The following TMEM132C variants were observed in gnomAD, a reference collection of about 807,000 sequenced individuals.
The protein encoded by TMEM132C is protein phosphatase 1, regulatory subunit 152.
Under a neutral mutation model 61.4 loss-of-function variants are expected in TMEM132C, and 29 were observed. The observed-to-expected ratio is 0.47, with a 90% CI of 0.35 to 0.64. TMEM132C has a LOEUF of 0.64. TMEM132C is among the 30% of genes least tolerant of loss of function. The pLI, the probability that TMEM132C is intolerant of heterozygous loss-of-function variation, is 0.00. For missense variants in TMEM132C, 1,408 were observed against 1,476.9 expected (o/e 0.95, Z 0.76); for synonymous variants, 656 against 633.1 (o/e 1.04, Z -0.54).
chr12:128,406,581 A>G lies in TMEM132C; in HGVS notation c.86-8151A>G, dbSNP rs552748803. Among the ~76,000 whole-genome samples, 52 of 152,298 alleles carry G rather than the reference A, an allele frequency of 3.4e-4. No homozygotes were observed. The Middle Eastern group carries it at 0.014, about 40-fold the overall frequency. ...TAGAAGAGGTGAGGTGGATCTGGGAACCGAATGGAAATTAATTAGGCTGAA... is the reference window on the plus strand; with the variant it reads ...TAGAAGAGGTGAGGTGGATCTGGGAGCCGAATGGAAATTAATTAGGCTGAA... On this transcript the variant is annotated intron_variant, in intron 1 of 8. Coordinates refer to ENST00000435159, the MANE Select transcript of TMEM132C (RefSeq NM_001136103.3).
At position 128,630,174 on chromosome 12, in the gene TMEM132C, C is replaced by A. The variant is rs1954054669; in HGVS notation, c.1305+13839C>A. Among the ~76,000 whole-genome samples the A allele has an allele frequency of 6.6e-6, 1 of 152,056 alleles. No individual in the cohort carries two copies. Among genetic ancestry groups the A allele is most frequent in the Non-Finnish European group, 1.5e-5 (1 of 68,016 alleles). On this transcript the variant is annotated intron_variant, in intron 4 of 8. Transcript: ENST00000435159. The surrounding 1 kb of genome is among the most constrained non-coding windows in gnomAD (Gnocchi z 4.3). Reference sequence around the variant, plus strand: ...CCCCCCTCCAAGGTGTCTCAGGCGGCAAGCTGGCGGCAAGCCCAGGAATCT... The same window carrying A: ...CCCCCCTCCAAGGTGTCTCAGGCGGAAAGCTGGCGGCAAGCCCAGGAATCT...
At chr12:128,319,712 G>A (rs1872267951) in intron 1 of TMEM132C, among the ~76,000 whole-genome samples, 1 of 152,012 alleles carries the variant, frequency 6.6e-6, no homozygotes, top group African/African-American at 2.4e-5. Context: ...TGTAGTCCCA[G>A]CTGCTCGGGA....
Position 128,705,623 on chromosome 12 carries a change from G to A in TMEM132C, c.2655G>A (p.Leu885=). Residue 885 remains leucine (L), a synonymous_variant, in exon 9 of 9, where the codon CTG becomes CTA. Coordinates refer to ENST00000435159, the MANE Select transcript of TMEM132C (RefSeq NM_001136103.3). ...GCAGGCTGGCAGGAGAGGGGCAGCT[G>A]CAGAACATCCCCATTGACTTCACCA... The part of the protein sequence containing the change: ...DGGRLAGEGQ[L]QNIPIDFTNF... 6.4e-7 allele frequency: 1 copy of A among 1,551,016 alleles called. No homozygotes were observed. The highest frequency in any genetic ancestry group is 8.7e-7 in the Non-Finnish European group (1 of 1,146,994).
intron 3 of TMEM132C, among the ~76,000 whole-genome samples, chr12:128,558,278 A>T (rs2136161262): frequency 6.6e-6 from 1 of 152,286 alleles, no homozygotes; most frequent in African/African-American, 2.4e-5. Flanking sequence ...TCCCCACCCA[A>T]ATCTCACCTT....
intron 1 of TMEM132C, among the ~76,000 whole-genome samples, chr12:128,331,079 A>T (rs990893486): frequency 5.3e-5 from 8 of 150,920 alleles, no homozygotes; most frequent in African/African-American, 1.9e-4. Flanking sequence ...TCCCCAGAGG[A>T]TACTCCCTCT....
chr12:128,698,693 C>T (rs1954783039), intron 8 of TMEM132C, among the ~76,000 whole-genome samples: 1 of 152,242 alleles, frequency 6.6e-6, no homozygotes, highest in South Asian at 2.1e-4. Context: ...CTTGGATGCT[C>T]CATCAGAGCA....
chr12:128,384,252 G>C (rs1283767768), intron 1 of TMEM132C, among the ~76,000 whole-genome samples: 2 of 152,130 alleles, frequency 1.3e-5, no homozygotes, highest in Non-Finnish European at 2.9e-5. Context: ...GGGAGGTGGT[G>C]AGCATGGGCC....
At chr12:128,626,824 G>T (rs1202525022) in intron 4 of TMEM132C, among the ~76,000 whole-genome samples, 1 of 152,090 alleles carries the variant, frequency 6.6e-6, no homozygotes, top group Non-Finnish European at 1.5e-5. Context: ...TTTATTCTGA[G>T]AAAAGATTCT....
In TMEM132C at chr12:128,643,599, C is replaced by T. The variant is rs75933936; in HGVS notation, c.1306-25818C>T. On this transcript the variant is annotated intron_variant, in intron 4 of 8. Transcript: ENST00000435159. Reference sequence around the variant, plus strand: ...ACACTGTATTTGCTGGGATAGACAACGGGCAGATTTTTAAAAATCCATTTT... The same window carrying T: ...ACACTGTATTTGCTGGGATAGACAATGGGCAGATTTTTAAAAATCCATTTT... Among the ~76,000 whole-genome samples, 579 of 152,008 alleles carry T rather than the reference C, an allele frequency of 3.8e-3. 7 individuals are homozygous for T. The highest frequency in any genetic ancestry group is 0.013 in the African/African-American group (546 of 41,468).
At chr12:128,299,341 G>T (rs1395687348) in intron 1 of TMEM132C, among the ~76,000 whole-genome samples, 2 of 152,146 alleles carry the variant, frequency 1.3e-5, no homozygotes, top group Non-Finnish European at 2.9e-5. Flanking sequence ...ATCCCTGGGT[G>T]GTTAATGTAT....
chr12:128,517,871 G>T (rs186063629), intron 2 of TMEM132C, among the ~76,000 whole-genome samples: 1 of 152,192 alleles, frequency 6.6e-6, no homozygotes, highest in Non-Finnish European at 1.5e-5. Flanking sequence ...GCAAATCTTC[G>T]TGTAATGCCG....
chr12:128,616,098 G>C, intron 3 of TMEM132C, 54 bp from the exon 4 acceptor site: 1 of 1,529,698 alleles, frequency 6.5e-7, no homozygotes. Context: ...TATGAGGAGA[G>C]AAGGGTCCTT....
At chr12:128,657,053 A>G (rs1593137305) in intron 4 of TMEM132C, among the ~76,000 whole-genome samples, 2 of 152,006 alleles carry the variant, frequency 1.3e-5, no homozygotes, top group Admixed American at 1.3e-4. Context: ...TCCTTTCAGA[A>G]CCCAAAGACC....
At chr12:128,337,745 G>C (rs1405793887) in intron 1 of TMEM132C, among the ~76,000 whole-genome samples, 2 of 152,058 alleles carry the variant, frequency 1.3e-5, no homozygotes, top group African/African-American at 4.8e-5. Context: ...TCTTTTCTTT[G>C]GGAGAGTTCA....
At chr12:128,319,407 T>C (rs563730629) in intron 1 of TMEM132C, among the ~76,000 whole-genome samples, 2 of 151,264 alleles carry the variant, frequency 1.3e-5, no homozygotes, top group Non-Finnish European at 2.9e-5. Flanking sequence ...GTCTGTCTGT[T>C]GGGCCAAGTG....
chr12:128,616,574 G>C (rs772028267), intron 4 of TMEM132C, among the ~76,000 whole-genome samples: 5 of 152,216 alleles, frequency 3.3e-5, no homozygotes, highest in Non-Finnish European at 7.3e-5. Flanking sequence ...GTGAGCACCT[G>C]TGATTTTAAG....
At chr12:128,533,021 G>C (rs988142466) in intron 2 of TMEM132C, among the ~76,000 whole-genome samples, 1 of 151,368 alleles carries the variant, frequency 6.6e-6, no homozygotes, top group African/African-American at 2.4e-5. Context: ...AGGTCAGTGG[G>C]TGGGTTTGGA....
chr12:128,475,941 C>T (rs549737621), intron 2 of TMEM132C, among the ~76,000 whole-genome samples: 1 of 152,326 alleles, frequency 6.6e-6, no homozygotes, highest in East Asian at 1.9e-4. Context: ...CACTGTCCCC[C>T]ATCCGCTTCC....
intron 2 of TMEM132C, among the ~76,000 whole-genome samples, chr12:128,517,836 C>A (rs564337286): frequency 7.9e-5 from 12 of 152,144 alleles, no homozygotes; most frequent in Non-Finnish European, 1.6e-4. Context: ...GATGGAGCTG[C>A]TCTTCATGGG....
Sources: allele counts gnomAD v4.1 joint callset (sites outside exome capture counted in the v4.1 genomes callset), GRCh38; gene constraint gnomAD v4.1.1; non-coding constraint Gnocchi (gnomAD v3.1); transcripts MANE v1.5; gene names NCBI Gene and HGNC (gene_info 2026-07-23, HGNC 2026-07-21).